Variants in LCORL observed in about 807,000 individuals in gnomAD.
LCORL encodes the protein ligand dependent nuclear receptor corepressor like.
Under a neutral mutation model 141.8 loss-of-function variants are expected in LCORL, and 41 were observed. The ratio of observed to expected loss-of-function variants is 0.29; its 90% CI spans 0.23 to 0.38. LCORL has a LOEUF of 0.38. Ranked by LOEUF, LCORL falls within the 10% of genes least tolerant of loss-of-function variation. LCORL has a pLI of 1.00. For missense variants in LCORL, 1,759 were observed against 2,035.0 expected, an observed-to-expected ratio of 0.86 and a Z score of 2.61; for synonymous variants, 618 against 694.1, an observed-to-expected ratio of 0.89 and a Z score of 1.72.
chr4:17,944,992 TA>T (rs1475848931), intron 4 of LCORL, among the ~76,000 whole-genome samples: 4 of 152,130 alleles, frequency 2.6e-5, no homozygotes, highest in Non-Finnish European at 5.9e-5. Context: ...TAATTATATG[TA>T]AAATAAAAAT....
intron 4 of LCORL, 67 bp downstream of exon 4, chr4:17,961,836 T>C: frequency 1.4e-6 from 2 of 1,420,562 alleles, no homozygotes; most frequent in East Asian, 4.7e-5. Flanking sequence ...AAAACTTTTG[T>C]GTAAAAAAAT....
intron 4 of LCORL, among the ~76,000 whole-genome samples, chr4:17,925,455 C>T (rs1005318203): frequency 1.3e-5 from 2 of 152,106 alleles, no homozygotes; most frequent in African/African-American, 4.8e-5. Flanking sequence ...CACTGAGGTG[C>T]CTGCTGAAGG....
chr4:17,985,628 A>G (rs1718826451), intron 1 of LCORL, among the ~76,000 whole-genome samples: 1 of 151,940 alleles, frequency 6.6e-6, no homozygotes, highest in African/African-American at 2.4e-5. Context: ...ATTTTCCTCC[A>G]TCCTTTTATT....
At chr4:17,938,659 C>T (rs1432424304) in intron 4 of LCORL, among the ~76,000 whole-genome samples, 3 of 150,952 alleles carry the variant, frequency 2.0e-5, no homozygotes, top group Non-Finnish European at 3.0e-5. Flanking sequence ...GTGATCCACC[C>T]GCCTCAGCCT....
intron 1 of LCORL, among the ~76,000 whole-genome samples, chr4:18,016,138 T>A (rs1056360182): frequency 5.3e-5 from 8 of 151,734 alleles, no homozygotes; most frequent in South Asian, 2.1e-4. Flanking sequence ...GGCAAAAACG[T>A]TAAGAGTTCA....
chr4:17,892,162 T>C (rs539985591), intron 5 of LCORL, among the ~76,000 whole-genome samples: 1 of 152,274 alleles, frequency 6.6e-6, no homozygotes, highest in South Asian at 2.1e-4. Context: ...GGATTGGTTT[T>C]TCCTTCATTT....
At chr4:17,984,641 C>G (rs891273937) in intron 1 of LCORL, among the ~76,000 whole-genome samples, 4 of 151,760 alleles carry the variant, frequency 2.6e-5, no homozygotes, top group African/African-American at 9.7e-5. Context: ...TCTAATTGTG[C>G]TTATTTAGGT....
intron 5 of LCORL, among the ~76,000 whole-genome samples, chr4:17,901,501 G>A (rs2109299329): frequency 6.6e-6 from 1 of 152,040 alleles, no homozygotes; most frequent in South Asian, 2.1e-4. Flanking sequence ...CAAAAGAGAT[G>A]ATAATCATGT....
rs552088821 is a variant in LCORL at position 17,848,991 on chromosome 4, A to G, written c.5603-3090T>C. On this transcript the variant is annotated intron_variant, in intron 7 of 7. Transcript: ENST00000635767. ...CGAGGCTGGGGGAGGGGCGCCCACC[A>G]TTGCCCAGGCTTGCTTAGGTAAACA... is the stretch of plus-strand genomic sequence containing the variant. Among the ~76,000 whole-genome samples, 50 of 152,340 alleles carry G rather than the reference A, an allele frequency of 3.3e-4. 1 individual carries two copies. The East Asian group carries it at 4.6e-3, about 14-fold the overall frequency.
intron 5 of LCORL, among the ~76,000 whole-genome samples, chr4:17,896,068 C>T (rs1033312276): frequency 6.6e-6 from 1 of 152,134 alleles, no homozygotes; most frequent in East Asian, 1.9e-4. Flanking sequence ...CAGAGTAGAA[C>T]TGTTGGGTTA....
At chr4:17,933,196 T>C (rs1736328728) in intron 4 of LCORL, among the ~76,000 whole-genome samples, 1 of 152,230 alleles carries the variant, frequency 6.6e-6, no homozygotes, top group African/African-American at 2.4e-5. Flanking sequence ...CTATGTAGTT[T>C]CAAATATATT....
At chr4:17,953,782 C>G (rs1711963071) in intron 4 of LCORL, among the ~76,000 whole-genome samples, 1 of 152,234 alleles carries the variant, frequency 6.6e-6, no homozygotes, top group East Asian at 1.9e-4. Context: ...AGGGATATAA[C>G]AAAACACAAA....
chr4:17,959,123 C>T (rs1713276837), intron 4 of LCORL, among the ~76,000 whole-genome samples: 1 of 152,028 alleles, frequency 6.6e-6, no homozygotes, highest in African/African-American at 2.4e-5. Context: ...ATGCCAGTGG[C>T]ATTCCTACAA....
chr4:17,858,202 A>G (rs1006350170), intron 7 of LCORL, among the ~76,000 whole-genome samples: 7 of 152,198 alleles, frequency 4.6e-5, no homozygotes, highest in Non-Finnish European at 8.8e-5. Flanking sequence ...GAGTTGACAT[A>G]CCACTTACGA....
rs141953768 is a variant in LCORL at position 17,871,350 on chromosome 4, A to G, written c.5602+2038T>C. Among the ~76,000 whole-genome samples the G allele has an allele frequency of 2.9e-3, 442 of 152,018 alleles. 3 individuals carry two copies. The highest frequency in any genetic ancestry group is 1.0e-2 in the African/African-American group (414 of 41,542). On this transcript the variant is annotated intron_variant, in intron 7 of 7. Transcript: ENST00000635767. ...ATTAGTAATTTTAAAAATGAGAAAG[A>G]TCAAAAACAGCTCTTCAAATGATAC...
chr4:18,021,776 AT>A lies in LCORL; in HGVS notation c.-26del. Reference sequence around the variant, plus strand: ...TCTGCGTCCCGCGTCACGCGCCCTCATTTACATACGAGCAGCGCAGGCACGA... The same window carrying A: ...TCTGCGTCCCGCGTCACGCGCCCTCATTACATACGAGCAGCGCAGGCACGA... On this transcript the variant is annotated 5_prime_UTR_variant, in exon 1 of 8. Transcript: ENST00000635767. This position sits in a 1 kb window ranked among gnomAD's most constrained non-coding sequence, Gnocchi z 5.5. 1 of 1,476,426 alleles carries A rather than the reference AT, an allele frequency of 6.8e-7. No homozygotes were observed. Among genetic ancestry groups the A allele is most frequent in the Non-Finnish European group, 8.9e-7 (1 of 1,120,176 alleles). 91.5% of individuals were successfully genotyped at this position (1,476,426 alleles called of 1,614,324 possible).
rs559675975 is a variant in LCORL, at chr4:17,845,900, T to G, written c.5604A>C (p.Ala1868=). The G allele has an allele frequency of 1.6e-5, 26 of 1,596,620 alleles. No individual in the cohort carries two copies. The South Asian group carries it at 2.5e-4, about 15-fold the overall frequency. ...TTCTCATCAGTTTTCACTTGTAGCA[T>G]GCTGGAAGAAAAAGTGTAAGGCATT... Residue 1868 remains alanine, a splice_region_variant and synonymous_variant, in exon 8 of 8, where the codon GCA becomes GCC. Coordinates refer to ENST00000635767, the Ensembl canonical transcript of LCORL.
In LCORL at chr4:17,872,481, C is replaced by T. The variant is rs139368241; in HGVS notation, c.5602+907G>A. ...TCTCATAGCGCTTTAAGAAAGTTTA[C>T]AAATTTGTGTTGGGTCACACTCAAA... On this transcript the variant is annotated intron_variant, in intron 7 of 7. Transcript: ENST00000635767. 2.6e-5 allele frequency among the ~76,000 whole-genome samples: 4 copies of T among 152,166 alleles called. No individual in the cohort carries two copies. The East Asian group carries it at 7.7e-4, about 29-fold the overall frequency.
At chr4:17,934,367 C>T (rs1339322854) in intron 4 of LCORL, among the ~76,000 whole-genome samples, 1 of 151,838 alleles carries the variant, frequency 6.6e-6, no homozygotes, top group African/African-American at 2.4e-5. Flanking sequence ...CTTTTATAAA[C>T]CTAGATCTGT....
Sources: gnomAD v4.1 joint callset for allele counts (sites outside exome capture counted in the v4.1 genomes callset) on GRCh38, gnomAD v4.1.1 for gene constraint, Gnocchi (gnomAD v3.1) non-coding constraint, MANE v1.5 for transcripts, NCBI Gene and HGNC (gene_info 2026-07-23, HGNC 2026-07-21) for gene names.